Variants in RFTN1 observed in about 807,000 individuals in gnomAD.
The protein encoded by RFTN1 is raftlin.
RFTN1 carries 26 observed loss-of-function variants against 46.5 expected under a neutral mutation model. That is an observed-to-expected ratio of 0.56 (90% CI 0.41 to 0.78). RFTN1 has a LOEUF of 0.78. Among genes scored for constraint, RFTN1 ranks in the 30% least tolerant of loss-of-function variants. The pLI is 0.00. For missense variants in RFTN1, 693 were observed against 718.7 expected (o/e 0.96, Z 0.41); for synonymous variants, 261 against 284.2 (o/e 0.92, Z 0.82).
At position 16,489,907 on chromosome 3, in the gene RFTN1, C is replaced by CA. The variant is rs112940969; in HGVS notation, c.145+3817dup. 3.2e-4 allele frequency among the ~76,000 whole-genome samples: 47 copies of CA among 147,674 alleles called. No homozygotes were observed. Among genetic ancestry groups the CA allele is most frequent in the East Asian group, 1.2e-3 (6 of 5,046 alleles). On this transcript the variant is annotated intron_variant, in intron 2 of 9. Transcript: ENST00000334133. The surrounding 1 kb of genome is among the most constrained non-coding windows in gnomAD (Gnocchi z 4.0). ...TAGGTGACAGAGCGAGACTCCATGT[C>CA]AAAAAAAAACAAAATAAAGAAAGAA...
rs572257779 is a variant in RFTN1, at chr3:16,383,934, A to G, written c.442-5832T>C. 2.0e-5 allele frequency among the ~76,000 whole-genome samples: 3 copies of G among 152,338 alleles called. No individual in the cohort carries two copies. The highest frequency in any genetic ancestry group is 4.8e-5 in the African/African-American group (2 of 41,574). Reference sequence around the variant, plus strand: ...AATTTTATGTCCACTTGACTGAACTATGGTGACCAATTGTTTGGTAAAACT... The same window carrying G: ...AATTTTATGTCCACTTGACTGAACTGTGGTGACCAATTGTTTGGTAAAACT... On this transcript the variant is annotated intron_variant, in intron 4 of 9. Transcript: ENST00000334133. This position sits in a 1 kb window ranked among gnomAD's most constrained non-coding sequence, Gnocchi z 4.0.
Position 16,466,889 on chromosome 3 carries a change from C to T in RFTN1, c.145+26836G>A, listed in dbSNP as rs1441459281. Among the ~76,000 whole-genome samples, 4 of 152,060 alleles carry T rather than the reference C, an allele frequency of 2.6e-5. No individual in the cohort carries two copies. Among genetic ancestry groups the T allele is most frequent in the Non-Finnish European group, 4.4e-5 (3 of 68,024 alleles). On this transcript the variant is annotated intron_variant, in intron 2 of 9. Coordinates refer to ENST00000334133, the MANE Select transcript of RFTN1 (RefSeq NM_015150.2). This position sits in a 1 kb window ranked among gnomAD's most constrained non-coding sequence, Gnocchi z 5.6. ...AATACAAGTCAAGACACAGTAATTACGCTACAGACAAAGGGAGGGAGGATA... is the reference window on the plus strand; with the variant it reads ...AATACAAGTCAAGACACAGTAATTATGCTACAGACAAAGGGAGGGAGGATA...
chr3:16,435,577 C>A (rs1188343375), intron 2 of RFTN1, among the ~76,000 whole-genome samples: 1 of 151,500 alleles, frequency 6.6e-6, no homozygotes, highest in East Asian at 1.9e-4. Context: ...TCTCAAAAAG[C>A]AAAAAAACAA....
chr3:16,436,079 A>G (rs1468167537), intron 2 of RFTN1, among the ~76,000 whole-genome samples: 2 of 80,730 alleles, frequency 2.5e-5, no homozygotes, highest in African/African-American at 9.5e-5. Context: ...TCTCAGTGGA[A>G]AAAAAAAGAT....
chr3:16,445,324 A>C (rs1000267947), intron 2 of RFTN1, among the ~76,000 whole-genome samples: 1 of 152,164 alleles, frequency 6.6e-6, no homozygotes, highest in Admixed American at 6.5e-5. Flanking sequence ...AGAGACAAAA[A>C]GGAGATATAG....
At position 16,387,266 on chromosome 3, in the gene RFTN1, G is replaced by A. The variant is rs545113037; in HGVS notation, c.442-9164C>T. Among the ~76,000 whole-genome samples, 1 of 152,186 alleles carries A rather than the reference G, an allele frequency of 6.6e-6. No homozygotes were observed. Among genetic ancestry groups the A allele is most frequent in the South Asian group, 2.1e-4 (1 of 4,828 alleles). On this transcript the variant is annotated intron_variant, in intron 4 of 9. Transcript: ENST00000334133. This position sits in a 1 kb window ranked among gnomAD's most constrained non-coding sequence, Gnocchi z 5.2. ...TCTCCCGCCAAGGCTGAGGCCACAC[G>A]GCCACCCTGCAGTGGCTCCCTTCCT...
intron 4 of RFTN1, among the ~76,000 whole-genome samples, chr3:16,401,165 G>A (rs1317699313): frequency 6.6e-6 from 1 of 152,040 alleles, no homozygotes; most frequent in East Asian, 1.9e-4. Flanking sequence ...AGCCCTGTCT[G>A]TAACAAAATT....
rs572622475 is a variant in RFTN1 at position 16,382,568 on chromosome 3, G to A, written c.442-4466C>T. Among the ~76,000 whole-genome samples, 9 of 152,124 alleles carry A rather than the reference G, an allele frequency of 5.9e-5. No individual in the cohort carries two copies. Among genetic ancestry groups the A allele is most frequent in the Non-Finnish European group, 1.3e-4 (9 of 68,012 alleles). On this transcript the variant is annotated intron_variant, in intron 4 of 9. Transcript: ENST00000334133. The surrounding 1 kb of genome is among the most constrained non-coding windows in gnomAD (Gnocchi z 4.7). ...ACATGGGTTTAGCTACAAATCAGAT[G>A]TTCATTATTCCTAAGTGTGAACCCC... is the stretch of plus-strand genomic sequence containing the variant.
rs945237348 is a variant in RFTN1, at chr3:16,376,326, A to G, written c.826+1392T>C. On this transcript the variant is annotated intron_variant, in intron 5 of 9. Coordinates refer to ENST00000334133, the MANE Select transcript of RFTN1 (RefSeq NM_015150.2). This position sits in a 1 kb window ranked among gnomAD's most constrained non-coding sequence, Gnocchi z 4.7. Reference sequence around the variant, plus strand: ...AGGCACGGAAGGCAGGCCGGAATGTATACTCTAGATTCTTGAGCACCATGC... The same window carrying G: ...AGGCACGGAAGGCAGGCCGGAATGTGTACTCTAGATTCTTGAGCACCATGC... 2.6e-4 allele frequency among the ~76,000 whole-genome samples: 40 copies of G among 152,186 alleles called. No individual in the cohort carries two copies. Among genetic ancestry groups the G allele is most frequent in the African/African-American group, 9.7e-4 (40 of 41,438 alleles).
intron 3 of RFTN1, among the ~76,000 whole-genome samples, chr3:16,432,936 C>T (rs2075421987): frequency 1.3e-5 from 2 of 152,190 alleles, no homozygotes; most frequent in African/African-American, 4.8e-5. Flanking sequence ...TCATGCCTCA[C>T]AGCTGTCCCT....
At chr3:16,393,030 T>C (rs2074386429) in intron 4 of RFTN1, among the ~76,000 whole-genome samples, 1 of 151,734 alleles carries the variant, frequency 6.6e-6, no homozygotes, top group Non-Finnish European at 1.5e-5. Flanking sequence ...ACTGAGCACA[T>C]GCTAAATGAC....
In RFTN1 at chr3:16,452,292, C is replaced by T. The variant is rs2075833552; in HGVS notation, c.146-18255G>A. ...AAACTAAAAAAAAAATAATAGCTGTCAAGGTAGATGAAGGTAAGGATATAA... is the reference window on the plus strand; with the variant it reads ...AAACTAAAAAAAAAATAATAGCTGTTAAGGTAGATGAAGGTAAGGATATAA... On this transcript the variant is annotated intron_variant, in intron 2 of 9. Transcript: ENST00000334133. This position sits in a 1 kb window ranked among gnomAD's most constrained non-coding sequence, Gnocchi z 6.3. 6.6e-6 allele frequency among the ~76,000 whole-genome samples: 1 copy of T among 151,894 alleles called. No individual in the cohort carries two copies. The highest frequency in any genetic ancestry group is 6.5e-5 in the Admixed American group (1 of 15,274).
chr3:16,397,069 G>GA (rs11290510), intron 4 of RFTN1, among the ~76,000 whole-genome samples: 5,776 of 117,052 alleles, frequency 0.049, 174 homozygotes, highest in African/African-American at 0.068. Flanking sequence ...GTCTCAAAAT[G>GA]AAAAAAAAAA....
intron 5 of RFTN1, 73 bp downstream of exon 5, chr3:16,377,645 T>C: frequency 6.6e-7 from 1 of 1,512,728 alleles, no homozygotes; most frequent in Non-Finnish European, 8.8e-7. Context: ...TTCTCTGAGA[T>C]ACCATGGGGA....
rs1040873834 is a variant in RFTN1 at position 16,356,860 on chromosome 3, A to C, written c.1146+1072T>G. Among the ~76,000 whole-genome samples the C allele has an allele frequency of 1.3e-5, 2 of 152,208 alleles. No individual in the cohort carries two copies. The highest frequency in any genetic ancestry group is 6.5e-5 in the Admixed American group (1 of 15,284). On this transcript the variant is annotated intron_variant, in intron 7 of 9. Transcript: ENST00000334133. The surrounding 1 kb of genome is among the most constrained non-coding windows in gnomAD (Gnocchi z 4.9). ...GCTGGGCACGGTGGCTCACGCTGTA[A>C]TCCCAGCACTTCAACAGGCCAAGGC...
rs1178922076 is a variant in RFTN1, at chr3:16,387,842, TCAC to T, written c.442-9743_442-9741del. ...CCAAATCCCACAGGCTTTTTAGCCC[TCAC>T]CACCCCATCCTCTCTGGTAGCTCAT... On this transcript the variant is annotated intron_variant, in intron 4 of 9. Transcript: ENST00000334133. The surrounding 1 kb of genome is among the most constrained non-coding windows in gnomAD (Gnocchi z 5.2). Among the ~76,000 whole-genome samples, 1 of 151,912 alleles carries T rather than the reference TCAC, an allele frequency of 6.6e-6. No individual in the cohort carries two copies. The highest frequency in any genetic ancestry group is 1.5e-5 in the Non-Finnish European group (1 of 67,976).
rs961866280 is a variant in RFTN1 at position 16,341,039 on chromosome 3, A to G, written c.1147-14163T>C. ...CACCAAAGAAGATATGCAGGTAGCA[A>G]ATAATAAGCATATAAAAAGATGCTC... On this transcript the variant is annotated intron_variant, in intron 7 of 9. Transcript: ENST00000334133. This position sits in a 1 kb window ranked among gnomAD's most constrained non-coding sequence, Gnocchi z 4.7. Among the ~76,000 whole-genome samples the G allele has an allele frequency of 3.3e-5, 5 of 152,282 alleles. No individual in the cohort carries two copies. The highest frequency in any genetic ancestry group is 7.3e-5 in the Non-Finnish European group (5 of 68,052).
Position 16,435,917 on chromosome 3 carries a change from A to AATATATATATATATAT in RFTN1, c.146-1896_146-1881dup, listed in dbSNP as rs10575645. Among the ~76,000 whole-genome samples the AATATATATATATATAT allele has an allele frequency of 2.8e-3, 400 of 142,292 alleles. 7 individuals carry two copies. Among genetic ancestry groups the AATATATATATATATAT allele is most frequent in the African/African-American group, 0.01 (381 of 37,716 alleles). The allele number at this position is 142,292 out of a possible 152,430, so 93.3% of individuals were successfully genotyped here. ...AAATAAATAAAAAATCAGAGATGTA[A>AATATATATATATATAT]ATATATATATATATATATATATATA... On this transcript the variant is annotated intron_variant, in intron 2 of 9. Transcript: ENST00000334133.
At chr3:16,414,987 G>A (rs1411769867) in intron 3 of RFTN1, among the ~76,000 whole-genome samples, 1 of 152,162 alleles carries the variant, frequency 6.6e-6, no homozygotes, top group East Asian at 1.9e-4. Flanking sequence ...GAAGTCCGTG[G>A]AGGGTGTGGA....
Sources: allele counts gnomAD v4.1 joint callset (sites outside exome capture counted in the v4.1 genomes callset), GRCh38; gene constraint gnomAD v4.1.1; non-coding constraint Gnocchi (gnomAD v3.1); transcripts MANE v1.5; gene names NCBI Gene and HGNC (gene_info 2026-07-23, HGNC 2026-07-21).